The following CCSER1 variants were observed in gnomAD, a reference collection of about 807,000 sequenced individuals.
The protein encoded by CCSER1 is serine-rich coiled-coil domain-containing protein 1.
Under a neutral mutation model 82.0 loss-of-function variants are expected in CCSER1, and 41 were observed. That is an observed-to-expected ratio of 0.50 (90% CI 0.39 to 0.65). The LOEUF (loss-of-function observed/expected upper bound fraction) is 0.65, where lower values mean the gene tolerates loss of function less well. Among genes scored for constraint, CCSER1 ranks in the 30% least tolerant of loss-of-function variants. The probability of loss-of-function intolerance (pLI) is 0.00; values close to 1 mark genes in which losing one functional copy is unlikely to be tolerated. For synonymous variants in CCSER1, 414 were observed against 383.9 expected, an observed-to-expected ratio of 1.08 and a Z score of -0.92; for missense variants, 1,119 against 1,064.2, an observed-to-expected ratio of 1.05 and a Z score of -0.72.
At chr4:90,932,980 A>AGAGAGAGAGAGAGAGAGAG (rs1561385048) in intron 9 of CCSER1, among the ~76,000 whole-genome samples, 1 of 21,940 alleles carries the variant, frequency 4.6e-5, no homozygotes, top group Non-Finnish European at 8.5e-5. Context: ...GAAAGAAAGA[A>AGAGAGAGAGAGAGAGAGAG]AGAGAAAGAA....
At chr4:90,211,554 G>A (rs1740003374) in intron 1 of CCSER1, among the ~76,000 whole-genome samples, 1 of 152,198 alleles carries the variant, frequency 6.6e-6, no homozygotes, top group Admixed American at 6.5e-5. Flanking sequence ...CTCAAGAAGA[G>A]AACAATTTGA....
intron 10 of CCSER1, among the ~76,000 whole-genome samples, chr4:91,404,134 T>G (rs868122599): frequency 6.6e-6 from 1 of 152,200 alleles, no homozygotes; most frequent in African/African-American, 2.4e-5. Context: ...GGAGGGTGTA[T>G]GTGTCCAGGA....
At chr4:90,391,483 T>TATATATATATAC (rs1554021253) in intron 3 of CCSER1, among the ~76,000 whole-genome samples, 10 of 84,968 alleles carry the variant, frequency 1.2e-4, no homozygotes, top group Non-Finnish European at 2.0e-4. Flanking sequence ...TATATATATA[T>TATATATATATAC]ATACACACAC....
At chr4:90,807,893 A>G (rs1757731073) in intron 7 of CCSER1, among the ~76,000 whole-genome samples, 2 of 152,172 alleles carry the variant, frequency 1.3e-5, no homozygotes, top group African/African-American at 4.8e-5. Flanking sequence ...TTAGGAAAAA[A>G]AAATTTTAAA....
rs1764801187 is a variant in CCSER1, at chr4:91,601,178, A to T, written c.*2121A>T. ...TGATAGTTTTGTTTTCCTGGAAGAT[A>T]GACTTTTGAATTATACTTTATAAAA... On this transcript the variant is annotated 3_prime_UTR_variant, in exon 11 of 11. Transcript: ENST00000509176. 1 of 152,122 alleles carries T rather than the reference A, an allele frequency of 6.6e-6. No individual in the cohort carries two copies. The highest frequency in any genetic ancestry group is 6.6e-5 in the Admixed American group (1 of 15,236). 9.4% of individuals were successfully genotyped at this position (152,122 alleles called of 1,614,324 possible). A position where few individuals can be genotyped will look rare whatever the true frequency, so the allele number is the denominator to read the frequency against.
intron 1 of CCSER1, among the ~76,000 whole-genome samples, chr4:90,167,644 G>T (rs1387846604): frequency 1.3e-5 from 2 of 151,020 alleles, no homozygotes; most frequent in African/African-American, 4.9e-5. Context: ...CCCACAACAG[G>T]CCCCGGTGTG....
Position 91,514,979 on chromosome 4 carries a change from G to T in CCSER1, c.2218-83593G>T, listed in dbSNP as rs537506663. Reference sequence around the variant, plus strand: ...AACAAACTGCTTAACTTATTCTACTGATTTACAGGTTAAGCTTATCAAAAA... The same window carrying T: ...AACAAACTGCTTAACTTATTCTACTTATTTACAGGTTAAGCTTATCAAAAA... On this transcript the variant is annotated intron_variant, in intron 10 of 10. Transcript: ENST00000509176. 2.6e-5 allele frequency among the ~76,000 whole-genome samples: 4 copies of T among 152,184 alleles called. No individual in the cohort carries two copies. In the South Asian group the frequency reaches 8.3e-4, roughly 32 times the overall value.
chr4:91,532,448 T>C (rs1761083330), intron 10 of CCSER1, among the ~76,000 whole-genome samples: 1 of 152,152 alleles, frequency 6.6e-6, no homozygotes, highest in Non-Finnish European at 1.5e-5. Context: ...GCACTATCAT[T>C]AGGTAATTAT....
At chr4:91,002,866 C>T (rs1008848682) in intron 9 of CCSER1, among the ~76,000 whole-genome samples, 1 of 152,138 alleles carries the variant, frequency 6.6e-6, no homozygotes, top group African/African-American at 2.4e-5. Context: ...GGTTCCTTCT[C>T]ATTTGGGTGG....
At chr4:90,298,930 T>A (rs1732542128) in intron 1 of CCSER1, among the ~76,000 whole-genome samples, 1 of 152,094 alleles carries the variant, frequency 6.6e-6, no homozygotes, top group Admixed American at 6.6e-5. Flanking sequence ...GCTTTTACAC[T>A]TCTTTCTTCT....
At chr4:91,275,943 G>T (rs1581888943) in intron 10 of CCSER1, among the ~76,000 whole-genome samples, 1 of 152,096 alleles carries the variant, frequency 6.6e-6, no homozygotes, top group Non-Finnish European at 1.5e-5. Flanking sequence ...TTTTTTTGGT[G>T]TTTTTGTCAA....
At chr4:90,673,979 G>A (rs6827499) in intron 6 of CCSER1, among the ~76,000 whole-genome samples, 69,700 of 151,618 alleles carry the variant, frequency 0.46, 16,411 homozygotes, top group Middle Eastern at 0.59. Context: ...TTTGAGTTAG[G>A]TCCTACCTTC....
At position 90,578,042 on chromosome 4, in the gene CCSER1, G is replaced by A. The variant is rs939773914; in HGVS notation, c.1725-49983G>A. ...CTGATTTAGAGTATGTCAAACGTGG[G>A]TTAGACTCGTGCTGCTATTTACAGA... On this transcript the variant is annotated intron_variant, in intron 5 of 10. Transcript: ENST00000509176. Among the ~76,000 whole-genome samples the A allele has an allele frequency of 2.4e-4, 37 of 152,210 alleles. No individual in the cohort carries two copies. In the Middle Eastern group the frequency reaches 0.01, roughly 42 times the overall value.
At chr4:91,335,919 A>C (rs1022908293) in intron 10 of CCSER1, among the ~76,000 whole-genome samples, 3 of 152,250 alleles carry the variant, frequency 2.0e-5, no homozygotes, top group Admixed American at 2.0e-4. Context: ...CATGCCTTAC[A>C]TAAAGAATCA....
chr4:90,798,064 A>T (rs1364205186), intron 7 of CCSER1, among the ~76,000 whole-genome samples: 1 of 152,158 alleles, frequency 6.6e-6, no homozygotes, highest in Non-Finnish European at 1.5e-5. Flanking sequence ...ACTCTGATTT[A>T]TGTTTTCCAA....
At chr4:90,774,906 G>C (rs530727231) in intron 7 of CCSER1, among the ~76,000 whole-genome samples, 1 of 152,096 alleles carries the variant, frequency 6.6e-6, no homozygotes, top group Non-Finnish European at 1.5e-5. Context: ...GTAGGTAAGA[G>C]TACAATCCTC....
chr4:91,372,463 A>G (rs759137327), intron 10 of CCSER1, among the ~76,000 whole-genome samples: 9 of 151,970 alleles, frequency 5.9e-5, no homozygotes, highest in Non-Finnish European at 1.3e-4. Flanking sequence ...TTAATAATAC[A>G]TTTTATATAT....
intron 10 of CCSER1, among the ~76,000 whole-genome samples, chr4:91,316,587 C>G (rs1745851076): frequency 6.6e-6 from 1 of 151,910 alleles, no homozygotes; most frequent in Non-Finnish European, 1.5e-5. Flanking sequence ...TGAAATTATT[C>G]TTGACCCCTC....
At chr4:91,488,726 C>T (rs947960759) in intron 10 of CCSER1, among the ~76,000 whole-genome samples, 4 of 152,202 alleles carry the variant, frequency 2.6e-5, no homozygotes, top group Non-Finnish European at 5.9e-5. Flanking sequence ...GCTTCCTATA[C>T]AGGCTGCAAA....
Sources: allele counts gnomAD v4.1 joint callset (sites outside exome capture counted in the v4.1 genomes callset), GRCh38; gene constraint gnomAD v4.1.1; transcripts MANE v1.5; gene names NCBI Gene and HGNC (gene_info 2026-07-23, HGNC 2026-07-21).